Variants in GALNT18 observed in about 807,000 individuals in gnomAD.
GALNT18 encodes the protein GalNAc-transferase 18.
A neutral mutation model predicts 69.5 loss-of-function variants in GALNT18; 44 were observed. The ratio of observed to expected loss-of-function variants is 0.63; its 90% CI spans 0.50 to 0.81. The LOEUF (loss-of-function observed/expected upper bound fraction) is 0.81. Among genes scored for constraint, GALNT18 ranks in the 40% least tolerant of loss-of-function variants. The pLI, the probability that GALNT18 is intolerant of heterozygous loss-of-function variation, is 0.00. For missense variants in GALNT18, 715 were observed against 810.0 expected (o/e 0.88, Z 1.42); for synonymous variants, 364 against 318.2 (o/e 1.14, Z -1.53).
intron 1 of GALNT18, among the ~76,000 whole-genome samples, chr11:11,479,001 C>T (rs1157338466): frequency 6.6e-6 from 1 of 152,218 alleles, no homozygotes; most frequent in African/African-American, 2.4e-5. Context: ...CCTGGTTCCA[C>T]CTTCTGCCAA....
At chr11:11,280,730 G>A (rs975654348) in intron 10 of GALNT18, among the ~76,000 whole-genome samples, 15 of 152,164 alleles carry the variant, frequency 9.9e-5, no homozygotes, top group Non-Finnish European at 2.1e-4. Context: ...CAGGGTCACT[G>A]CCTCACTTAT....
chr11:11,318,148 A>T lies in GALNT18; in HGVS notation c.1512+8938T>A, dbSNP rs1043368693. Among the ~76,000 whole-genome samples, 3 of 152,000 alleles carry T rather than the reference A, an allele frequency of 2.0e-5. No individual in the cohort carries two copies. Among genetic ancestry groups the T allele is most frequent in the African/African-American group, 7.2e-5 (3 of 41,386 alleles). Reference sequence around the variant, plus strand: ...GAAATGAGAGAGGAAGTGATGGGAGACCCTTTTTGGCCTAGAAAGTGAGAG... The same window carrying T: ...GAAATGAGAGAGGAAGTGATGGGAGTCCCTTTTTGGCCTAGAAAGTGAGAG... On this transcript the variant is annotated intron_variant, in intron 9 of 10. Coordinates refer to ENST00000227756, the MANE Select transcript of GALNT18 (RefSeq NM_198516.3). This position sits in a 1 kb window ranked among gnomAD's most constrained non-coding sequence, Gnocchi z 5.1.
chr11:11,364,758 C>T (rs1355141466), intron 6 of GALNT18, among the ~76,000 whole-genome samples: 1 of 152,072 alleles, frequency 6.6e-6, no homozygotes, highest in Non-Finnish European at 1.5e-5. Flanking sequence ...AGCATTGTGG[C>T]CATGGTTCTT....
In GALNT18 at chr11:11,617,290, A is replaced by T. The variant is rs1411428320; in HGVS notation, c.235+4069T>A. ...ACTAACTCAAGCCCTGACCACGTTG[A>T]CTAAAAGGGATTCTTTGTCCTTTGA... On this transcript the variant is annotated intron_variant, in intron 1 of 10. Coordinates refer to ENST00000227756, the MANE Select transcript of GALNT18 (RefSeq NM_198516.3). The surrounding 1 kb of genome is among the most constrained non-coding windows in gnomAD (Gnocchi z 4.7). Among the ~76,000 whole-genome samples, 2 of 152,230 alleles carry T rather than the reference A, an allele frequency of 1.3e-5. No individual in the cohort carries two copies. The highest frequency in any genetic ancestry group is 4.8e-5 in the African/African-American group (2 of 41,454).
At chr11:11,278,620 A>T (rs1025555543) in intron 10 of GALNT18, among the ~76,000 whole-genome samples, 2 of 152,110 alleles carry the variant, frequency 1.3e-5, no homozygotes, top group African/African-American at 2.4e-5. Flanking sequence ...CAAATTTTGC[A>T]TGTTCTTACT....
chr11:11,496,184 C>G lies in GALNT18; in HGVS notation c.236-47248G>C, dbSNP rs1009341393. Among the ~76,000 whole-genome samples the G allele has an allele frequency of 6.6e-6, 1 of 152,228 alleles. No individual in the cohort carries two copies. Among genetic ancestry groups the G allele is most frequent in the South Asian group, 2.1e-4 (1 of 4,828 alleles). Reference sequence around the variant, plus strand: ...GAAAGCGTCTCTTGCAAACACTTCTCCACTAACTTAAAGGGCTGGTTTAGA... The same window carrying G: ...GAAAGCGTCTCTTGCAAACACTTCTGCACTAACTTAAAGGGCTGGTTTAGA... On this transcript the variant is annotated intron_variant, in intron 1 of 10. Transcript: ENST00000227756. The surrounding 1 kb of genome is among the most constrained non-coding windows in gnomAD (Gnocchi z 4.0).
intron 6 of GALNT18, among the ~76,000 whole-genome samples, chr11:11,355,703 A>G (rs1244601336): frequency 6.6e-6 from 1 of 152,170 alleles, no homozygotes; most frequent in Non-Finnish European, 1.5e-5. Context: ...ATTTCTCTAT[A>G]TTACTACAAT....
At chr11:11,277,389 TTCTTC>T (rs998766234) in intron 10 of GALNT18, among the ~76,000 whole-genome samples, 2 of 152,136 alleles carry the variant, frequency 1.3e-5, no homozygotes, top group Admixed American at 6.6e-5. Flanking sequence ...ATCTATTTGA[TTCTTC>T]TCTTTTTTTT....
chr11:11,327,283 G>T (rs2133044153), intron 8 of GALNT18, 102 bp from the exon 9 acceptor site: 1 of 858,728 alleles, frequency 1.2e-6, no homozygotes. Flanking sequence ...CAGATTTCAT[G>T]TCCATAATCA....
intron 3 of GALNT18, among the ~76,000 whole-genome samples, chr11:11,407,936 T>A (rs1254905856): frequency 2.0e-5 from 3 of 152,202 alleles, no homozygotes; most frequent in Non-Finnish European, 4.4e-5. Context: ...CATTCACTCC[T>A]TGAAGCAGTG....
rs1859685575 is a variant in GALNT18 at position 11,603,729 on chromosome 11, G to A, written c.235+17630C>T. 6.6e-6 allele frequency among the ~76,000 whole-genome samples: 1 copy of A among 152,142 alleles called. No homozygotes were observed. Among genetic ancestry groups the A allele is most frequent in the Non-Finnish European group, 1.5e-5 (1 of 68,026 alleles). ...TATTTGAGACATCTGGCTAGCTGGG[G>A]ACTGCATGGACTAAGGTCTCCCAAG... On this transcript the variant is annotated intron_variant, in intron 1 of 10. Coordinates refer to ENST00000227756, the MANE Select transcript of GALNT18 (RefSeq NM_198516.3). This position sits in a 1 kb window ranked among gnomAD's most constrained non-coding sequence, Gnocchi z 4.5.
In GALNT18 at chr11:11,461,176, A is replaced by G; in HGVS notation, c.236-12240T>C. 6.6e-6 allele frequency among the ~76,000 whole-genome samples: 1 copy of G among 151,310 alleles called. No homozygotes were observed. The highest frequency in any genetic ancestry group is 1.9e-4 in the East Asian group (1 of 5,152). Reference sequence around the variant, plus strand: ...CTCTCCGTCAGAAAAATCCCACTCCACTCCTGACGGGCTGGCACTGCTGGG... The same window carrying G: ...CTCTCCGTCAGAAAAATCCCACTCCGCTCCTGACGGGCTGGCACTGCTGGG... On this transcript the variant is annotated intron_variant, in intron 1 of 10. Coordinates refer to ENST00000227756, the MANE Select transcript of GALNT18 (RefSeq NM_198516.3). This position sits in a 1 kb window ranked among gnomAD's most constrained non-coding sequence, Gnocchi z 4.1.
intron 1 of GALNT18, among the ~76,000 whole-genome samples, chr11:11,484,532 G>T (rs192169724): frequency 6.7e-6 from 1 of 148,438 alleles, no homozygotes; most frequent in East Asian, 2.0e-4. Context: ...GGCGGAGGTT[G>T]TGGTGAGCCG....
chr11:11,437,989 A>C (rs999802767), intron 2 of GALNT18, among the ~76,000 whole-genome samples: 2 of 152,080 alleles, frequency 1.3e-5, no homozygotes, highest in Middle Eastern at 6.8e-3. Context: ...TTTCCTGGAG[A>C]GTCCCTCCTC....
intron 1 of GALNT18, among the ~76,000 whole-genome samples, chr11:11,457,084 C>G (rs1414563797): frequency 6.6e-6 from 1 of 152,232 alleles, no homozygotes; most frequent in African/African-American, 2.4e-5. Flanking sequence ...GCTTTTGAGG[C>G]TCCTGAAGCC....
In GALNT18 at chr11:11,465,143, A is replaced by C. The variant is rs1856128531; in HGVS notation, c.236-16207T>G. 6.6e-6 allele frequency among the ~76,000 whole-genome samples: 1 copy of C among 152,164 alleles called. No homozygotes were observed. Among genetic ancestry groups the C allele is most frequent in the Admixed American group, 6.5e-5 (1 of 15,268 alleles). On this transcript the variant is annotated intron_variant, in intron 1 of 10. Transcript: ENST00000227756. The surrounding 1 kb of genome is among the most constrained non-coding windows in gnomAD (Gnocchi z 5.7). ...ACAGATCCCACTGGTAACCTGGGCG[A>C]GGTGCCTTGGGATGCCTGAGGAAGG...
intron 1 of GALNT18, among the ~76,000 whole-genome samples, chr11:11,491,169 C>T (rs1381528062): frequency 6.6e-6 from 1 of 152,210 alleles, no homozygotes; most frequent in Non-Finnish European, 1.5e-5. Context: ...TGAGGTGGCT[C>T]TTCATCACAT....
chr11:11,448,656 C>T lies in GALNT18; in HGVS notation c.428+88G>A, dbSNP rs1043200990. ...CAGGAAAGGGACCCAAGAATCCAGG[C>T]GCCCAGTCCTGCTCTGTTCCCAGCA... On this transcript the variant is annotated intron_variant, in intron 2 of 10. Coordinates refer to ENST00000227756, the MANE Select transcript of GALNT18 (RefSeq NM_198516.3). 8.0e-5 allele frequency: 87 copies of T among 1,087,782 alleles called. 1 individual carries two copies. The highest frequency in any genetic ancestry group is 6.4e-4 in the Admixed American group (20 of 31,430). The allele number at this position is 1,087,782 out of a possible 1,614,324, so 67.4% of individuals were successfully genotyped here.
chr11:11,588,633 T>G (rs1404120825), intron 1 of GALNT18, among the ~76,000 whole-genome samples: 2 of 152,208 alleles, frequency 1.3e-5, no homozygotes, highest in African/African-American at 4.8e-5. Flanking sequence ...AAGAAGAGGC[T>G]TATCCAGGTC....
Sources: allele counts gnomAD v4.1 joint callset (sites outside exome capture counted in the v4.1 genomes callset), GRCh38; gene constraint gnomAD v4.1.1; non-coding constraint Gnocchi (gnomAD v3.1); transcripts MANE v1.5; gene names NCBI Gene and HGNC (gene_info 2026-07-23, HGNC 2026-07-21).